SRPK2: variants seen among roughly 807,000 people sequenced by gnomAD.
SRPK2 encodes the protein SRSF protein kinase 2.
In SRPK2, 21 loss-of-function variants were observed where a neutral mutation model predicts 90.8. That is an observed-to-expected ratio of 0.23 (90% CI 0.16 to 0.33). The LOEUF is 0.33. Among genes scored for constraint, SRPK2 ranks in the 10% least tolerant of loss-of-function variants. The pLI is 1.00. For missense variants in SRPK2, 620 were observed against 869.0 expected (o/e 0.71, Z 3.60); for synonymous variants, 288 against 311.1 (o/e 0.93, Z 0.78).
At chr7:105,294,403 G>C (rs1563204165) in intron 2 of SRPK2, among the ~76,000 whole-genome samples, 47 of 151,962 alleles carry the variant, frequency 3.1e-4, no homozygotes. Flanking sequence ...AGGTTTTGGT[G>C]AAAAAAAATT....
chr7:105,213,691 C>T (rs985842915), intron 2 of SRPK2, among the ~76,000 whole-genome samples: 6 of 152,302 alleles, frequency 3.9e-5, no homozygotes, highest in African/African-American at 7.2e-5. Context: ...AAGACCCATA[C>T]GCTCTTCTAT....
At chr7:105,287,276 AAAAAAAAAG>A (rs1302006771) in intron 2 of SRPK2, among the ~76,000 whole-genome samples, 4 of 136,788 alleles carry the variant, frequency 2.9e-5, no homozygotes, top group South Asian at 4.8e-4. Flanking sequence ...AAAAAAAAAA[AAAAAAAAAG>A]AAGAAAAGGA....
chr7:105,296,056 C>A (rs1462642355), intron 2 of SRPK2, among the ~76,000 whole-genome samples: 2 of 149,172 alleles, frequency 1.3e-5, no homozygotes, highest in Admixed American at 6.8e-5. Context: ...TATCATCAAG[C>A]TTAAAATATG....
chr7:105,292,156 G>A (rs1441926373), intron 2 of SRPK2, among the ~76,000 whole-genome samples: 7 of 152,112 alleles, frequency 4.6e-5, no homozygotes, highest in Non-Finnish European at 8.8e-5. Flanking sequence ...GAGTTGAAAG[G>A]TTACCTATCT....
chr7:105,338,418 T>C (rs1177357232), intron 2 of SRPK2, among the ~76,000 whole-genome samples: 1 of 152,152 alleles, frequency 6.6e-6, no homozygotes, highest in Non-Finnish European at 1.5e-5. Context: ...CTGATTTTTT[T>C]GTAATTTTAG....
chr7:105,132,071 C>A (rs914576893), intron 13 of SRPK2, among the ~76,000 whole-genome samples: 2 of 152,158 alleles, frequency 1.3e-5, no homozygotes, highest in African/African-American at 4.8e-5. Context: ...ACAGACAATG[C>A]AACTGTGCAG....
chr7:105,118,998 A>C (rs1176415294), intron 15 of SRPK2, among the ~76,000 whole-genome samples: 1 of 152,088 alleles, frequency 6.6e-6, no homozygotes, highest in African/African-American at 2.4e-5. Context: ...GCCTGTTTGA[A>C]GTTTTCATAG....
At chr7:105,373,173 T>TA in intron 2 of SRPK2, among the ~76,000 whole-genome samples, 1 of 152,080 alleles carries the variant, frequency 6.6e-6, no homozygotes, top group Non-Finnish European at 1.5e-5. Flanking sequence ...CCAACATAGA[T>TA]AATACTACCC....
chr7:105,273,301 C>T (rs531445292), intron 2 of SRPK2, among the ~76,000 whole-genome samples: 3 of 152,184 alleles, frequency 2.0e-5, no homozygotes, highest in South Asian at 2.1e-4. Flanking sequence ...CTCTAGTCTA[C>T]GTGGCTCCCC....
chr7:105,203,580 A>G, intron 3 of SRPK2, 48 bp downstream of exon 3: 1 of 1,423,040 alleles, frequency 7.0e-7, no homozygotes, highest in Non-Finnish European at 9.2e-7. Flanking sequence ...ATTACTACAC[A>G]GCCCAATGGG....
chr7:105,130,614 C>A (rs1244360128), intron 13 of SRPK2, among the ~76,000 whole-genome samples: 1 of 151,662 alleles, frequency 6.6e-6, no homozygotes, highest in East Asian at 1.9e-4. Context: ...CATCTGTGGC[C>A]TTATGACAGC....
chr7:105,345,931 T>C (rs1362653570), intron 2 of SRPK2, among the ~76,000 whole-genome samples: 1 of 152,254 alleles, frequency 6.6e-6, no homozygotes, highest in Non-Finnish European at 1.5e-5. Context: ...AGATACAGAA[T>C]GTTTCCATAA....
chr7:105,204,982 C>A, intron 2 of SRPK2: 1 of 278,522 alleles, frequency 3.6e-6, no homozygotes, highest in Non-Finnish European at 7.0e-6. Context: ...GCACAGCCTG[C>A]GGCATACAGT....
chr7:105,301,981 T>A, intron 2 of SRPK2: 1 of 1,607,188 alleles, frequency 6.2e-7, no homozygotes, highest in Non-Finnish European at 8.5e-7. Context: ...CCCAGAAGCG[T>A]AAGCTGGCAG....
At chr7:105,340,515 C>A (rs1360519126) in intron 2 of SRPK2, among the ~76,000 whole-genome samples, 1 of 151,710 alleles carries the variant, frequency 6.6e-6, no homozygotes, top group Non-Finnish European at 1.5e-5. Context: ...GTGATCCTCC[C>A]AACTCAGTTG....
At chr7:105,125,897 C>T (rs1392462213) in intron 15 of SRPK2, 1 of 1,219,426 alleles carries the variant, frequency 8.2e-7, no homozygotes, top group Admixed American at 2.4e-5. Context: ...ACATTGCCAG[C>T]AAAACAGAAA....
At chr7:105,159,719 C>A (rs896280781) in intron 7 of SRPK2, among the ~76,000 whole-genome samples, 13 of 152,304 alleles carry the variant, frequency 8.5e-5, no homozygotes, top group Admixed American at 8.5e-4. Context: ...AGCATCATCT[C>A]TAAGCCTGAC....
chr7:105,259,454 CG>C (rs1265335451), intron 2 of SRPK2, among the ~76,000 whole-genome samples: 5 of 152,148 alleles, frequency 3.3e-5, no homozygotes, highest in African/African-American at 1.2e-4. Flanking sequence ...AATGGCCACA[CG>C]GCCTAAGGTA....
chr7:105,197,338 T>C (rs980572443), intron 3 of SRPK2, among the ~76,000 whole-genome samples: 4 of 152,166 alleles, frequency 2.6e-5, no homozygotes, highest in Non-Finnish European at 5.9e-5. Context: ...TTTTTACAGG[T>C]AAGAAATATA....
Sources: gnomAD v4.1 joint callset for allele counts (sites outside exome capture counted in the v4.1 genomes callset) on GRCh38, gnomAD v4.1.1 for gene constraint, MANE v1.5 for transcripts, NCBI Gene and HGNC (gene_info 2026-07-23, HGNC 2026-07-21) for gene names.